SCHIP1: variants seen among roughly 807,000 people sequenced by gnomAD.
The protein encoded by SCHIP1 is schwannomin-interacting protein 1.
Under a neutral mutation model 29.7 loss-of-function variants are expected in SCHIP1, and 8 were observed. The ratio of observed to expected loss-of-function variants is 0.27; its 90% CI spans 0.16 to 0.49. SCHIP1 has a LOEUF of 0.49. Among genes scored for constraint, SCHIP1 ranks in the 20% least tolerant of loss-of-function variants. SCHIP1 has a pLI of 0.99. For missense variants in SCHIP1, 193 were observed against 294.6 expected (o/e 0.66, Z 2.52); for synonymous variants, 76 against 94.9 (o/e 0.80, Z 1.16).
At chr3:159,337,753 A>G in the SCHIP1 span, among the ~76,000 whole-genome samples, 3 of 152,126 alleles carry the variant, frequency 2.0e-5, no homozygotes, top group Non-Finnish European at 4.4e-5. Context: ...CATGTTCTCC[A>G]ATTTATAATA....
At chr3:159,638,827 A>T in the SCHIP1 span, among the ~76,000 whole-genome samples, 1 of 152,072 alleles carries the variant, frequency 6.6e-6, no homozygotes, top group Non-Finnish European at 1.5e-5. Context: ...ATATTCACAT[A>T]ATATTGAACT....
At chr3:159,530,115 G>A in the SCHIP1 span, among the ~76,000 whole-genome samples, 103 of 152,226 alleles carry the variant, frequency 6.8e-4, no homozygotes, top group Non-Finnish European at 1.1e-3. Flanking sequence ...TAAATACCCA[G>A]CAGTGGGGTT....
At chr3:159,681,364 T>C in the SCHIP1 span, among the ~76,000 whole-genome samples, 3 of 152,190 alleles carry the variant, frequency 2.0e-5, no homozygotes, top group African/African-American at 7.2e-5. Context: ...TTTTACTTTT[T>C]ATTGTAAAAC....
chr3:159,781,761 G>A, the SCHIP1 span, among the ~76,000 whole-genome samples: 1 of 152,130 alleles, frequency 6.6e-6, no homozygotes, highest in African/African-American at 2.4e-5. Context: ...TGACAATGGT[G>A]CAAGAAGTGG....
At chr3:159,765,146 G>C in the SCHIP1 span, 16 of 1,552,040 alleles carry the variant, frequency 1.0e-5, no homozygotes, top group Non-Finnish European at 1.4e-5. Flanking sequence ...TCCGTAAGTT[G>C]GCCGGGGTGC....
chr3:159,843,441 G>T (rs1043703441), intron 1 of SCHIP1, among the ~76,000 whole-genome samples: 1 of 151,938 alleles, frequency 6.6e-6, no homozygotes, highest in Non-Finnish European at 1.5e-5. Flanking sequence ...TTTTATCTTT[G>T]TTCTGTCTGC....
At chr3:159,596,026 T>C in the SCHIP1 span, among the ~76,000 whole-genome samples, 1 of 152,186 alleles carries the variant, frequency 6.6e-6, no homozygotes, top group South Asian at 2.1e-4. Flanking sequence ...ACCTACAGAA[T>C]GGGAGAAATT....
At chr3:159,429,274 A>G in the SCHIP1 span, among the ~76,000 whole-genome samples, 1 of 152,010 alleles carries the variant, frequency 6.6e-6, no homozygotes, top group Non-Finnish European at 1.5e-5. Flanking sequence ...TGATAGTCAT[A>G]AGCTCTTGAA....
chr3:159,723,270 T>A, the SCHIP1 span, among the ~76,000 whole-genome samples: 1 of 152,246 alleles, frequency 6.6e-6, no homozygotes. Flanking sequence ...AAGAAATTAA[T>A]AATAGCTGAT....
the SCHIP1 span, among the ~76,000 whole-genome samples, chr3:159,406,382 G>A: frequency 6.6e-6 from 1 of 152,100 alleles, no homozygotes; most frequent in Non-Finnish European, 1.5e-5. Flanking sequence ...AGTATATCTG[G>A]CAAAAAATAT....
the SCHIP1 span, among the ~76,000 whole-genome samples, chr3:159,827,279 T>G: frequency 6.6e-6 from 1 of 152,168 alleles, no homozygotes; most frequent in East Asian, 1.9e-4. Context: ...CTAAGGAAAC[T>G]CTTTAGTACG....
the SCHIP1 span, among the ~76,000 whole-genome samples, chr3:159,529,580 G>A: frequency 1.3e-5 from 2 of 152,148 alleles, no homozygotes; most frequent in African/African-American, 2.4e-5. Flanking sequence ...GGATTCCCAG[G>A]AGCTCAAACA....
At chr3:159,618,557 A>G in the SCHIP1 span, among the ~76,000 whole-genome samples, 2 of 152,228 alleles carry the variant, frequency 1.3e-5, no homozygotes, top group African/African-American at 2.4e-5. Flanking sequence ...TTCAACTATG[A>G]TGAAGAGACT....
the SCHIP1 span, among the ~76,000 whole-genome samples, chr3:159,552,632 A>G: frequency 6.6e-6 from 1 of 152,218 alleles, no homozygotes; most frequent in South Asian, 2.1e-4. Context: ...GCTAGGACAC[A>G]GGATTTTGTG....
At chr3:159,763,864 C>G in the SCHIP1 span, 1 of 152,096 alleles carries the variant, frequency 6.6e-6, no homozygotes, top group Non-Finnish European at 1.5e-5. Context: ...GGAGTGAGAC[C>G]TCCGACTGCC....
the SCHIP1 span, among the ~76,000 whole-genome samples, chr3:159,493,914 A>T: frequency 5.9e-4 from 89 of 151,862 alleles, no homozygotes; most frequent in East Asian, 0.012. Context: ...CTCAGACCAC[A>T]GTGCAATCAA....
chr3:159,416,226 A>G, the SCHIP1 span, among the ~76,000 whole-genome samples: 1 of 152,258 alleles, frequency 6.6e-6, no homozygotes, highest in East Asian at 1.9e-4. Flanking sequence ...CTTTCTCACT[A>G]TTTGAGTCTC....
exon 7 of SCHIP1, chr3:159,896,959 A>G (rs1718118907): frequency 3.9e-6 from 2 of 510,794 alleles, no homozygotes; most frequent in South Asian, 4.4e-5. Flanking sequence ...GTGCCACTTA[A>G]TATCAGGCAT....
intron 2 of SCHIP1, among the ~76,000 whole-genome samples, chr3:159,866,504 C>A (rs918140122): frequency 3.3e-5 from 5 of 151,852 alleles, no homozygotes; most frequent in African/African-American, 1.2e-4. Context: ...TACTTGAGGT[C>A]AGATTTTTAT....
Sources: gnomAD v4.1 joint callset for allele counts (sites outside exome capture counted in the v4.1 genomes callset) on GRCh38, gnomAD v4.1.1 for gene constraint, MANE v1.5 for transcripts, NCBI Gene and HGNC (gene_info 2026-07-23, HGNC 2026-07-21) for gene names.